The following SHANK2 variants were observed in gnomAD, a reference collection of about 807,000 sequenced individuals.
The protein encoded by SHANK2 is SH3 and multiple ankyrin repeat domains 2, also known as SH3 and multiple ankyrin repeat domains protein 2.
Under a neutral mutation model 133.7 loss-of-function variants are expected in SHANK2, and 43 were observed. That is an observed-to-expected ratio of 0.32 (90% CI 0.25 to 0.41). SHANK2 has a LOEUF of 0.41. SHANK2 is among the 10% of genes least tolerant of loss of function. The pLI, the probability that SHANK2 is intolerant of heterozygous loss-of-function variation, is 1.00. For missense variants in SHANK2, 1,994 were observed against 2,235.8 expected (o/e 0.89, Z 2.18); for synonymous variants, 1,017 against 952.8 (o/e 1.07, Z -1.24).
At chr11:70,541,281 C>A (rs553106049) in intron 17 of SHANK2, among the ~76,000 whole-genome samples, 27 of 152,346 alleles carry the variant, frequency 1.8e-4, no homozygotes, top group African/African-American at 6.3e-4. Context: ...GAACACCTGT[C>A]CTTCCGTCAG....
intron 9 of SHANK2, 145 bp downstream of exon 9, chr11:71,075,014 G>A (rs1285325953): frequency 3.9e-5 from 6 of 152,852 alleles, no homozygotes; most frequent in African/African-American, 7.3e-5. Context: ...TCCTGACCTC[G>A]TGATCCGCCC....
chr11:70,561,943 T>A (rs185386775), intron 17 of SHANK2, among the ~76,000 whole-genome samples: 18 of 152,354 alleles, frequency 1.2e-4, no homozygotes, highest in African/African-American at 4.3e-4. Context: ...GTGCCAGAAA[T>A]GTTCCCTTAC....
At chr11:70,769,362 CAT>C (rs1947194833) in intron 14 of SHANK2, among the ~76,000 whole-genome samples, 1 of 152,214 alleles carries the variant, frequency 6.6e-6, no homozygotes, top group Admixed American at 6.5e-5. Context: ...CACCCTGGCA[CAT>C]AGACTCCTTC....
At chr11:70,594,749 G>T (rs1361156359) in intron 17 of SHANK2, among the ~76,000 whole-genome samples, 11 of 152,132 alleles carry the variant, frequency 7.2e-5, no homozygotes, top group Non-Finnish European at 1.2e-4. Context: ...TGAATGAATG[G>T]AGTGAAGAGT....
intron 17 of SHANK2, among the ~76,000 whole-genome samples, chr11:70,514,208 C>T (rs1181620066): frequency 2.0e-5 from 3 of 152,068 alleles, no homozygotes; most frequent in African/African-American, 7.2e-5. Context: ...TGGAGAAGAA[C>T]CTCTTGTAGA....
intron 14 of SHANK2, among the ~76,000 whole-genome samples, chr11:70,761,477 C>G (rs10793290): frequency 2.5e-4 from 38 of 152,176 alleles, no homozygotes; most frequent in African/African-American, 9.1e-4. Context: ...ACCCACAGAA[C>G]GAGGCACCAT....
At chr11:70,859,652 C>T (rs557219761) in intron 11 of SHANK2, among the ~76,000 whole-genome samples, 125 of 152,282 alleles carry the variant, frequency 8.2e-4, no homozygotes, top group African/African-American at 2.1e-3. Flanking sequence ...TTCAGAGAAG[C>T]TGAGAAACTG....
chr11:70,493,764 G>T (rs1233396375), intron 21 of SHANK2, among the ~76,000 whole-genome samples: 9 of 152,218 alleles, frequency 5.9e-5, no homozygotes, highest in Non-Finnish European at 1.0e-4. Flanking sequence ...TCCCTGGGGA[G>T]AAGCAGGCCA....
chr11:70,529,521 C>T (rs958650837), intron 17 of SHANK2, among the ~76,000 whole-genome samples: 2 of 152,182 alleles, frequency 1.3e-5, no homozygotes, highest in Non-Finnish European at 2.9e-5. Flanking sequence ...GTCCTCCTCT[C>T]CTGACAGGGA....
At chr11:71,196,100 T>C (rs941890343) in intron 2 of SHANK2, among the ~76,000 whole-genome samples, 3 of 152,086 alleles carry the variant, frequency 2.0e-5, no homozygotes, top group Non-Finnish European at 2.9e-5. Context: ...GGAGGATTCC[T>C]TGAGCCCAGG....
At chr11:70,743,468 G>A (rs1212814841) in intron 14 of SHANK2, among the ~76,000 whole-genome samples, 1 of 152,226 alleles carries the variant, frequency 6.6e-6, no homozygotes, top group Non-Finnish European at 1.5e-5. Context: ...GCCTCCAGAG[G>A]GCTGAGAAAC....
intron 10 of SHANK2, among the ~76,000 whole-genome samples, chr11:70,920,660 G>A (rs947172093): frequency 3.3e-5 from 5 of 152,160 alleles, no homozygotes; most frequent in Admixed American, 6.5e-5. Flanking sequence ...TGTCCCTAAC[G>A]GGGTCTACTC....
intron 10 of SHANK2, chr11:70,944,040 ATGCTATTAT>A: frequency 2.2e-6 from 1 of 450,296 alleles, no homozygotes; most frequent in South Asian, 1.6e-5. Flanking sequence ...TCCTGTGTTT[ATGCTATTAT>A]GGCTAGCTAC....
chr11:70,534,699 G>A (rs1449660997), intron 17 of SHANK2, among the ~76,000 whole-genome samples: 1 of 152,196 alleles, frequency 6.6e-6, no homozygotes, highest in East Asian at 1.9e-4. Flanking sequence ...AGTCCAAACT[G>A]GTGGCTTCAC....
intron 14 of SHANK2, among the ~76,000 whole-genome samples, chr11:70,707,372 CAAAAAAAAAAA>C (rs1172194976): frequency 1.0e-4 from 6 of 57,884 alleles, no homozygotes; most frequent in African/African-American, 4.7e-4. Context: ...AACTCCATCT[CAAAAAAAAAAA>C]AAAAAAAAAA....
intron 17 of SHANK2, among the ~76,000 whole-genome samples, chr11:70,599,889 AAAAGAAAGAAAGAAAGAGAAAGAAAG>A (rs2060459835): frequency 2.4e-4 from 18 of 73,694 alleles, no homozygotes; most frequent in African/African-American, 8.1e-4. Flanking sequence ...GAAAGAAAGA[AAAAGAAAGAAAGAAAGAGAAAGAAAG>A]AAAGAAAGAA....
chr11:70,560,783 C>A (rs2059900049), intron 17 of SHANK2, among the ~76,000 whole-genome samples: 1 of 152,068 alleles, frequency 6.6e-6, no homozygotes, highest in African/African-American at 2.4e-5. Flanking sequence ...AGGCACCCAC[C>A]ACCACACCCA....
At chr11:71,136,859 T>C (rs1381734021) in intron 3 of SHANK2, among the ~76,000 whole-genome samples, 1 of 152,158 alleles carries the variant, frequency 6.6e-6, no homozygotes, top group African/African-American at 2.4e-5. Flanking sequence ...AATCATCAAA[T>C]GGTATTCTTT....
At chr11:70,511,348 G>T (rs1554969269) in intron 17 of SHANK2, among the ~76,000 whole-genome samples, 2 of 152,192 alleles carry the variant, frequency 1.3e-5, no homozygotes, top group Non-Finnish European at 2.9e-5. Flanking sequence ...CCTAAAATCA[G>T]TTTAACCTGC....
Sources: gnomAD v4.1 joint callset for allele counts (sites outside exome capture counted in the v4.1 genomes callset) on GRCh38, gnomAD v4.1.1 for gene constraint, MANE v1.5 for transcripts, NCBI Gene and HGNC (gene_info 2026-07-23, HGNC 2026-07-21) for gene names.